The following MCM9 variants were observed in gnomAD, a reference collection of about 807,000 sequenced individuals.
MCM9 encodes the protein DNA helicase MCM9.
MCM9 carries 55 observed loss-of-function variants against 72.8 expected under a neutral mutation model. That is an observed-to-expected ratio of 0.76 (90% CI 0.61 to 0.95). The LOEUF (loss-of-function observed/expected upper bound fraction) is 0.95. Ranked by LOEUF, MCM9 falls within the 40% of genes least tolerant of loss-of-function variation. The probability of loss-of-function intolerance (pLI) is 0.00; values close to 1 mark genes in which losing one functional copy is unlikely to be tolerated. For synonymous variants in MCM9, 480 were observed against 503.4 expected (o/e 0.95, Z 0.62); for missense variants, 1,279 against 1,377.0 (o/e 0.93, Z 1.13).
At chr6:118,907,705 T>C in intron 8 of MCM9, 2 of 973,614 alleles carry the variant, frequency 2.1e-6, no homozygotes, top group Non-Finnish European at 3.1e-6. Flanking sequence ...CAAAACACAA[T>C]GTGAAGAATT....
intron 13 of MCM9, among the ~76,000 whole-genome samples, 187 bp downstream of exon 13, chr6:118,825,960 G>A (rs1017993595): frequency 6.6e-6 from 1 of 152,036 alleles, no homozygotes; most frequent in Non-Finnish European, 1.5e-5. Context: ...CTGAGTTTTG[G>A]AGCAGTTGAT....
intron 8 of MCM9, among the ~76,000 whole-genome samples, chr6:118,875,101 G>A (rs1321292555): frequency 6.6e-6 from 1 of 151,964 alleles, no homozygotes; most frequent in Admixed American, 6.6e-5. Flanking sequence ...TGACAAGAGT[G>A]AAACTCCGTT....
chr6:118,819,029 TG>T (rs1169155309), intron 13 of MCM9, among the ~76,000 whole-genome samples: 1 of 152,172 alleles, frequency 6.6e-6, no homozygotes, highest in Admixed American at 6.5e-5. Flanking sequence ...GGTGAGATGA[TG>T]GGGTTTTCTA....
intron 8 of MCM9, among the ~76,000 whole-genome samples, chr6:118,897,460 T>G (rs1779502510): frequency 1.3e-5 from 2 of 151,642 alleles, no homozygotes; most frequent in African/African-American, 4.9e-5. Context: ...ATATATATCT[T>G]AATTACAGCT....
chr6:118,873,375 T>C (rs1777739931), intron 8 of MCM9, among the ~76,000 whole-genome samples: 1 of 152,020 alleles, frequency 6.6e-6, no homozygotes, highest in Non-Finnish European at 1.5e-5. Context: ...ATCAATAAAA[T>C]TCATCGGCCT....
chr6:118,832,810 T>C (rs1018189154), intron 9 of MCM9, among the ~76,000 whole-genome samples: 2 of 152,210 alleles, frequency 1.3e-5, no homozygotes, highest in Non-Finnish European at 2.9e-5. Flanking sequence ...TCTTTACTTA[T>C]GGCTTTGATC....
intron 9 of MCM9, among the ~76,000 whole-genome samples, chr6:118,842,128 C>A (rs185309409): frequency 6.6e-6 from 1 of 152,162 alleles, no homozygotes; most frequent in Non-Finnish European, 1.5e-5. Context: ...ACACCGTGCC[C>A]GGCCTATCTT....
intron 1 of MCM9, among the ~76,000 whole-genome samples, chr6:118,932,946 T>A (rs1017130683): frequency 6.6e-6 from 1 of 152,168 alleles, no homozygotes; most frequent in Non-Finnish European, 1.5e-5. Context: ...GGATAACAAA[T>A]TACATATGTA....
intron 8 of MCM9, among the ~76,000 whole-genome samples, chr6:118,875,840 A>G (rs1583506637): frequency 6.6e-6 from 1 of 152,272 alleles, no homozygotes; most frequent in East Asian, 1.9e-4. Context: ...TAACAAAAGC[A>G]AACAGATCGT....
intron 5 of MCM9, chr6:118,918,967 T>G (rs1199578088): frequency 6.6e-6 from 1 of 152,230 alleles, no homozygotes; most frequent in Non-Finnish European, 1.5e-5. Context: ...ACACATTAAG[T>G]AAGTGCTTTA....
At chr6:118,880,970 T>G (rs1408624006) in intron 8 of MCM9, among the ~76,000 whole-genome samples, 1 of 152,198 alleles carries the variant, frequency 6.6e-6, no homozygotes, top group Non-Finnish European at 1.5e-5. Flanking sequence ...CATACAAACC[T>G]AAGATAAGGT....
chr6:118,923,973 C>A lies in MCM9; in HGVS notation c.459G>T (p.Val153=). 6.2e-7 allele frequency: 1 copy of A among 1,614,218 alleles called. No homozygotes were observed. The highest frequency in any genetic ancestry group is 8.5e-7 in the Non-Finnish European group (1 of 1,180,024). The part of the protein sequence containing the change: ...RDYMCNKCKH[V]FVIKADFEQY... ...GCTCAAAGTCAGCCTTGATCACAAA[C>A]ACATGCTTGCATTTGTTACACATGT... Residue 153 remains valine (V), a synonymous_variant, in exon 4 of 14, where the codon GTG becomes GTT. Coordinates refer to ENST00000619706, the MANE Select transcript of MCM9 (RefSeq NM_017696.3).
At chr6:118,841,191 G>C (rs575607744) in intron 9 of MCM9, among the ~76,000 whole-genome samples, 1 of 152,334 alleles carries the variant, frequency 6.6e-6, no homozygotes, top group African/African-American at 2.4e-5. Context: ...AAATAATCTA[G>C]AAAGAACAGT....
chr6:118,838,472 A>G (rs1414807181), intron 9 of MCM9, among the ~76,000 whole-genome samples: 3 of 149,454 alleles, frequency 2.0e-5, no homozygotes, highest in Middle Eastern at 3.6e-3. Flanking sequence ...TTGTATTTTT[A>G]TTAGAGACTG....
intron 9 of MCM9, among the ~76,000 whole-genome samples, chr6:118,850,928 G>A (rs1221373372): frequency 2.0e-5 from 3 of 151,696 alleles, no homozygotes; most frequent in Non-Finnish European, 4.4e-5. Flanking sequence ...GGGTTCAAGG[G>A]CCTCCTCAGC....
chr6:118,847,111 T>A (rs568009543), intron 9 of MCM9, among the ~76,000 whole-genome samples: 1 of 151,808 alleles, frequency 6.6e-6, no homozygotes. Context: ...CCAGAGATGA[T>A]AAAACTGAAG....
rs79119524 is a variant in MCM9 at position 118,917,007 on chromosome 6, T to A, written c.904+554A>T. Among the ~76,000 whole-genome samples, 1,058 of 152,322 alleles carry A rather than the reference T, an allele frequency of 6.9e-3. 8 individuals carry two copies. Among genetic ancestry groups the A allele is most frequent in the African/African-American group, 0.022 (930 of 41,572 alleles). ...GGTGCTTTACACACTTGAGATTTTT[T>A]AATAAAATACACTACAAACCCAATG... On this transcript the variant is annotated intron_variant, in intron 6 of 13. Coordinates refer to ENST00000619706, the MANE Select transcript of MCM9 (RefSeq NM_017696.3).
At chr6:118,840,494 T>G (rs1389809176) in intron 9 of MCM9, among the ~76,000 whole-genome samples, 1 of 152,186 alleles carries the variant, frequency 6.6e-6, no homozygotes, top group Admixed American at 6.5e-5. Flanking sequence ...CAACAATGTT[T>G]GAGTGGTCTT....
chr6:118,843,680 A>ACGTG (rs1562407154), intron 9 of MCM9, among the ~76,000 whole-genome samples: 8 of 81,716 alleles, frequency 9.8e-5, no homozygotes, highest in African/African-American at 3.6e-4. Context: ...GTATGTATAT[A>ACGTG]TATATGTGTA....
Sources: gnomAD v4.1 joint callset for allele counts (sites outside exome capture counted in the v4.1 genomes callset) on GRCh38, gnomAD v4.1.1 for gene constraint, MANE v1.5 for transcripts, NCBI Gene and HGNC (gene_info 2026-07-23, HGNC 2026-07-21) for gene names.